The following SGCD variants were observed in gnomAD, a reference collection of about 807,000 sequenced individuals.
SGCD encodes delta-sarcoglycan.
In SGCD, 18 loss-of-function variants were observed where a neutral mutation model predicts 36.6. That is an observed-to-expected ratio of 0.49 (90% CI 0.34 to 0.73). The LOEUF (loss-of-function observed/expected upper bound fraction) is 0.73. Among genes scored for constraint, SGCD ranks in the 30% least tolerant of loss-of-function variants. SGCD has a pLI of 0.01. For missense variants in SGCD, 387 were observed against 346.7 expected (o/e 1.12, Z -0.92); for synonymous variants, 133 against 130.6 (o/e 1.02, Z -0.12).
At chr5:156,462,332 T>C (rs891094545) in intron 3 of SGCD, among the ~76,000 whole-genome samples, 16 of 152,222 alleles carry the variant, frequency 1.1e-4, no homozygotes, top group Admixed American at 6.5e-5. Context: ...TTCTACCTTA[T>C]GACTTCTGAC....
At chr5:156,589,188 A>T (rs1561798601) in intron 4 of SGCD, 43 bp from the exon 5 acceptor site, 2 of 1,394,000 alleles carry the variant, frequency 1.4e-6, no homozygotes. Flanking sequence ...TTTTGTTTAG[A>T]AATCTATCAT....
chr5:156,223,380 G>A (rs969985208), intron 3 of SGCD, among the ~76,000 whole-genome samples: 3 of 152,028 alleles, frequency 2.0e-5, no homozygotes, highest in Admixed American at 1.3e-4. Context: ...TGTTAATGTG[G>A]TATGAAAATC....
chr5:156,607,627 G>A (rs1761536254), intron 6 of SGCD, among the ~76,000 whole-genome samples: 1 of 152,214 alleles, frequency 6.6e-6, no homozygotes, highest in South Asian at 2.1e-4. Flanking sequence ...AATGGTACCA[G>A]CTCCTCTTTG....
At chr5:155,836,124 A>G in the SGCD span, among the ~76,000 whole-genome samples, 58 of 152,296 alleles carry the variant, frequency 3.8e-4, no homozygotes, top group African/African-American at 1.4e-3. Flanking sequence ...TCCCTTGCTC[A>G]TCCTTCTCTG....
intron 3 of SGCD, among the ~76,000 whole-genome samples, chr5:156,231,623 G>C: frequency 6.6e-6 from 1 of 152,172 alleles, no homozygotes; most frequent in Non-Finnish European, 1.5e-5. Flanking sequence ...AGGACTTACT[G>C]ATGCAGGATG....
the SGCD span, among the ~76,000 whole-genome samples, chr5:155,838,344 C>T: frequency 1.3e-5 from 2 of 152,082 alleles, no homozygotes; most frequent in Admixed American, 1.3e-4. Context: ...GGTAGATAAG[C>T]CTGTTAAGTT....
intron 3 of SGCD, among the ~76,000 whole-genome samples, chr5:156,414,607 T>C (rs975692659): frequency 6.6e-6 from 1 of 152,228 alleles, no homozygotes; most frequent in Non-Finnish European, 1.5e-5. Context: ...CCACAGACAC[T>C]GTGTAAATAA....
the SGCD span, among the ~76,000 whole-genome samples, chr5:155,732,655 A>T: frequency 6.6e-6 from 1 of 152,336 alleles, no homozygotes; most frequent in Admixed American, 6.5e-5. Context: ...GGTCACTTAC[A>T]TCTTAGTCAA....
At position 156,156,579 on chromosome 5, in the gene SGCD, G is replaced by A. The variant is rs767700100; in HGVS notation, c.-44+32560G>A. Among the ~76,000 whole-genome samples, 20 of 151,506 alleles carry A rather than the reference G, an allele frequency of 1.3e-4. 2 individuals are homozygous for A. Among genetic ancestry groups the A allele is most frequent in the Admixed American group, 7.2e-4 (11 of 15,252 alleles). The stretch of plus-strand genomic sequence containing the variant: ...ACGGAGGTTGTAGTGAGCCAAGATC[G>A]CGCCACTGCACTCCAGACTGGGTGA... On this transcript the variant is annotated intron_variant, in intron 3 of 9. Transcript: ENST00000517913.
intron 3 of SGCD, among the ~76,000 whole-genome samples, chr5:156,303,791 C>T (rs368101959): frequency 1.3e-5 from 2 of 151,736 alleles, no homozygotes; most frequent in African/African-American, 4.8e-5. Flanking sequence ...CTGGATTCCA[C>T]TTGGTAACCT....
At chr5:156,256,083 G>C (rs1047829069) in intron 3 of SGCD, among the ~76,000 whole-genome samples, 1 of 152,080 alleles carries the variant, frequency 6.6e-6, no homozygotes, top group Non-Finnish European at 1.5e-5. Context: ...CATTCAAAAA[G>C]CATTTATTAA....
At chr5:156,106,437 C>A (rs1226997503) in intron 1 of SGCD, among the ~76,000 whole-genome samples, 3 of 152,158 alleles carry the variant, frequency 2.0e-5, no homozygotes, top group Non-Finnish European at 4.4e-5. Flanking sequence ...AGATGTGAAG[C>A]AGGTGTGTTT....
chr5:156,350,761 C>T (rs116017563), intron 3 of SGCD, among the ~76,000 whole-genome samples: 2,693 of 152,204 alleles, frequency 0.018, 36 homozygotes, highest in African/African-American at 0.03. Flanking sequence ...CTTATACAAA[C>T]GAGCTAATAT....
At chr5:156,514,108 T>A (rs534471083) in intron 4 of SGCD, among the ~76,000 whole-genome samples, 1 of 152,332 alleles carries the variant, frequency 6.6e-6, no homozygotes, top group South Asian at 2.1e-4. Context: ...CAGGAACTAC[T>A]AGTAGATAGA....
At chr5:156,096,995 T>A (rs1761394044) in intron 1 of SGCD, among the ~76,000 whole-genome samples, 2 of 152,154 alleles carry the variant, frequency 1.3e-5, no homozygotes, top group African/African-American at 4.8e-5. Context: ...TGATAGATTT[T>A]TTTTTTCTTT....
chr5:156,038,803 A>T (rs1386121403), intron 1 of SGCD, among the ~76,000 whole-genome samples: 1 of 152,212 alleles, frequency 6.6e-6, no homozygotes, highest in Non-Finnish European at 1.5e-5. Context: ...GAACCTACAA[A>T]GGGCTCTTTC....
Position 156,766,514 on chromosome 5 carries a change from C to T in SGCD, c.*7124C>T, listed in dbSNP as rs1305518488. On this transcript the variant is annotated 3_prime_UTR_variant, in exon 9 of 9. Transcript: ENST00000337851. Reference sequence around the variant, plus strand: ...ATTTATCTGAGTTGGAAATAAGACTCATTTGCCAGTTCTTATTTTTAAAGT... The same window carrying T: ...ATTTATCTGAGTTGGAAATAAGACTTATTTGCCAGTTCTTATTTTTAAAGT... The T allele has an allele frequency of 6.6e-6, 1 of 150,412 alleles. No individual in the cohort carries two copies. Among genetic ancestry groups the T allele is most frequent in the Non-Finnish European group, 1.5e-5 (1 of 67,750 alleles). 9.3% of individuals were successfully genotyped at this position (150,412 alleles called of 1,614,324 possible).
intron 1 of SGCD, among the ~76,000 whole-genome samples, chr5:155,882,177 T>C (rs978713841): frequency 2.4e-4 from 36 of 152,186 alleles, no homozygotes; most frequent in African/African-American, 8.2e-4. Flanking sequence ...GTCATGCTTA[T>C]GGCTTACTGC....
chr5:156,647,121 A>G (rs2113583972), intron 6 of SGCD, among the ~76,000 whole-genome samples: 1 of 152,276 alleles, frequency 6.6e-6, no homozygotes, highest in South Asian at 2.1e-4. Context: ...GTTTTTCAAA[A>G]CATTTCCGGT....
Sources: gnomAD v4.1 joint callset for allele counts (sites outside exome capture counted in the v4.1 genomes callset) on GRCh38, gnomAD v4.1.1 for gene constraint, MANE v1.5 for transcripts, NCBI Gene and HGNC (gene_info 2026-07-23, HGNC 2026-07-21) for gene names.